The following AGBL4 variants were observed in gnomAD, a reference collection of about 807,000 sequenced individuals.
The protein encoded by AGBL4 is AGBL carboxypeptidase 4, also known as cytosolic carboxypeptidase 6.
In AGBL4, 58 loss-of-function variants were observed where a neutral mutation model predicts 66.4. That is an observed-to-expected ratio of 0.87 (90% CI 0.71 to 1.09). AGBL4 has a LOEUF of 1.09. AGBL4 is among the 50% of genes least tolerant of loss of function. The probability of loss-of-function intolerance (pLI) is 0.00; values close to 1 mark genes in which losing one functional copy is unlikely to be tolerated. For synonymous variants in AGBL4, 234 were observed against 222.9 expected, an observed-to-expected ratio of 1.05 and a Z score of -0.44; for missense variants, 579 against 631.0, an observed-to-expected ratio of 0.92 and a Z score of 0.88.
chr1:49,244,984 T>G (rs1406517656), intron 4 of AGBL4, among the ~76,000 whole-genome samples: 1 of 151,772 alleles, frequency 6.6e-6, no homozygotes, highest in East Asian at 1.9e-4. Context: ...GGGCACTCCC[T>G]TACTCTTTAT....
intron 3 of AGBL4, among the ~76,000 whole-genome samples, chr1:49,370,258 C>T (rs78422976): frequency 9.8e-4 from 149 of 151,278 alleles, no homozygotes; most frequent in African/African-American, 3.5e-3. Context: ...TTTTAAGGAA[C>T]TGGCTCACGT....
At chr1:49,838,961 C>A (rs921084417) in intron 2 of AGBL4, among the ~76,000 whole-genome samples, 1 of 152,148 alleles carries the variant, frequency 6.6e-6, no homozygotes, top group Non-Finnish European at 1.5e-5. Flanking sequence ...AAAGCTGTTT[C>A]TCAGATTACT....
At chr1:49,547,675 G>A (rs1343412240) in intron 3 of AGBL4, among the ~76,000 whole-genome samples, 1 of 152,086 alleles carries the variant, frequency 6.6e-6, no homozygotes, top group African/African-American at 2.4e-5. Context: ...TCTTTCAGCA[G>A]TGTTTCATAG....
At chr1:49,715,298 T>C (rs953910588) in intron 2 of AGBL4, among the ~76,000 whole-genome samples, 2 of 152,182 alleles carry the variant, frequency 1.3e-5, no homozygotes, top group African/African-American at 2.4e-5. Flanking sequence ...CATGTACTCA[T>C]CCTTTTTTAT....
At chr1:49,565,607 T>C (rs1402345947) in intron 3 of AGBL4, among the ~76,000 whole-genome samples, 2 of 152,222 alleles carry the variant, frequency 1.3e-5, no homozygotes, top group African/African-American at 4.8e-5. Flanking sequence ...AAAATTCTTT[T>C]CTTTAAGAGT....
chr1:49,107,484 T>C (rs1046691683), intron 4 of AGBL4, among the ~76,000 whole-genome samples: 2 of 152,104 alleles, frequency 1.3e-5, no homozygotes, highest in African/African-American at 4.8e-5. Flanking sequence ...CAAAATAATA[T>C]AAATGGTTAA....
chr1:49,732,652 G>A (rs1295798573), intron 2 of AGBL4, among the ~76,000 whole-genome samples: 1 of 152,082 alleles, frequency 6.6e-6, no homozygotes, highest in Non-Finnish European at 1.5e-5. Flanking sequence ...CAGTAGAAAG[G>A]ATAAACAGTA....
chr1:49,702,115 T>A (rs1169932726), intron 2 of AGBL4, among the ~76,000 whole-genome samples: 2 of 152,094 alleles, frequency 1.3e-5, no homozygotes, highest in East Asian at 3.9e-4. Flanking sequence ...AAATTAATAA[T>A]CAAAAAACTT....
At chr1:49,709,221 T>G (rs1435365710) in intron 2 of AGBL4, among the ~76,000 whole-genome samples, 1 of 152,212 alleles carries the variant, frequency 6.6e-6, no homozygotes, top group African/African-American at 2.4e-5. Flanking sequence ...AGCCCCCGAC[T>G]GGGGCTGCTG....
Position 49,286,815 on chromosome 1 carries a change from C to G in AGBL4, c.283-40951G>C, listed in dbSNP as rs1381941947. On this transcript the variant is annotated intron_variant, in intron 3 of 13. Coordinates refer to ENST00000371839, the MANE Select transcript of AGBL4 (RefSeq NM_032785.4). ...AGGTAATTTACAGATTCAATGCCATCCCCATCAAGCTACCAATGACTTTCT... is the reference window on the plus strand; with the variant it reads ...AGGTAATTTACAGATTCAATGCCATGCCCATCAAGCTACCAATGACTTTCT... 5.3e-5 allele frequency among the ~76,000 whole-genome samples: 8 copies of G among 152,102 alleles called. No homozygotes were observed. In the East Asian group the frequency reaches 9.7e-4, roughly 18 times the overall value.
chr1:49,106,000 T>C (rs997295395), intron 4 of AGBL4, among the ~76,000 whole-genome samples: 3 of 152,192 alleles, frequency 2.0e-5, no homozygotes, highest in African/African-American at 7.2e-5. Flanking sequence ...GCTAATATCA[T>C]TTCTTAAGTG....
chr1:49,897,394 A>G (rs1649327940), intron 1 of AGBL4, among the ~76,000 whole-genome samples: 1 of 152,020 alleles, frequency 6.6e-6, no homozygotes, highest in South Asian at 2.1e-4. Flanking sequence ...AATTAACCTA[A>G]CCAAAGAAAT....
chr1:48,725,559 T>C (rs1247772633), intron 6 of AGBL4, among the ~76,000 whole-genome samples: 1 of 152,202 alleles, frequency 6.6e-6, no homozygotes, highest in Non-Finnish European at 1.5e-5. Context: ...CCTAAACATG[T>C]CCTGAGATTA....
chr1:49,874,889 T>C (rs1199936698), intron 1 of AGBL4, among the ~76,000 whole-genome samples: 2 of 151,802 alleles, frequency 1.3e-5, no homozygotes, highest in African/African-American at 4.8e-5. Flanking sequence ...GTTAGTTACA[T>C]ATGTATACAT....
At chr1:49,124,590 C>G (rs1468498425) in intron 4 of AGBL4, among the ~76,000 whole-genome samples, 1 of 152,166 alleles carries the variant, frequency 6.6e-6, no homozygotes, top group African/African-American at 2.4e-5. Context: ...ATTCATTAAC[C>G]AACTAGCTGT....
At chr1:48,629,209 T>C (rs184390406) in intron 9 of AGBL4, among the ~76,000 whole-genome samples, 71 of 152,226 alleles carry the variant, frequency 4.7e-4, no homozygotes. Context: ...CTTTCTAAGA[T>C]CATAACTGGA....
At chr1:49,260,420 TAAAG>T (rs1216229331) in intron 3 of AGBL4, among the ~76,000 whole-genome samples, 1 of 150,614 alleles carries the variant, frequency 6.6e-6, no homozygotes, top group Admixed American at 6.6e-5. Flanking sequence ...GCAAGACTAA[TAAAG>T]AAGAAAAGAG....
chr1:49,841,611 A>G (rs1276916867), intron 2 of AGBL4, among the ~76,000 whole-genome samples: 3 of 152,164 alleles, frequency 2.0e-5, no homozygotes, highest in South Asian at 2.1e-4. Context: ...GGCTACAGTA[A>G]CCGAAACAGT....
chr1:49,498,928 A>G (rs1448535694), intron 3 of AGBL4, among the ~76,000 whole-genome samples: 3 of 152,048 alleles, frequency 2.0e-5, no homozygotes, highest in African/African-American at 4.8e-5. Context: ...ATGGGTAATG[A>G]TAACTTTCAT....
Sources: allele counts gnomAD v4.1 joint callset (sites outside exome capture counted in the v4.1 genomes callset), GRCh38; gene constraint gnomAD v4.1.1; transcripts MANE v1.5; gene names NCBI Gene and HGNC (gene_info 2026-07-23, HGNC 2026-07-21).